MTHFD1L: variants seen among roughly 807,000 people sequenced by gnomAD.
The protein encoded by MTHFD1L is methylenetetrahydrofolate dehydrogenase (NADP+ dependent) 1 like.
In MTHFD1L, 81 loss-of-function variants were observed where a neutral mutation model predicts 119.5. The ratio of observed to expected loss-of-function variants is 0.68; its 90% CI spans 0.57 to 0.82. The LOEUF (loss-of-function observed/expected upper bound fraction) is 0.82, where lower values mean the gene tolerates loss of function less well. Among genes scored for constraint, MTHFD1L ranks in the 40% least tolerant of loss-of-function variants. The probability of loss-of-function intolerance (pLI) is 0.00; values close to 1 mark genes in which losing one functional copy is unlikely to be tolerated. For missense variants in MTHFD1L, 1,125 were observed against 1,253.4 expected, an observed-to-expected ratio of 0.90 and a Z score of 1.55; for synonymous variants, 430 against 475.2, an observed-to-expected ratio of 0.90 and a Z score of 1.24.
At position 150,995,818 on chromosome 6, in the gene MTHFD1L, C is replaced by T. The variant is rs114567631; in HGVS notation, c.2126-14001C>T. Among the ~76,000 whole-genome samples, 385 of 149,356 alleles carry T rather than the reference C, an allele frequency of 2.6e-3. 3 individuals are homozygous for T. Among genetic ancestry groups the T allele is most frequent in the African/African-American group, 8.6e-3 (356 of 41,160 alleles). On this transcript the variant is annotated intron_variant, in intron 20 of 27. Coordinates refer to ENST00000367321, the MANE Select transcript of MTHFD1L (RefSeq NM_015440.5). ...AAGTAGCTGGGATTACCTGCCACCA[C>T]ATCAGGCTAATTTTTTGTATTTTTA... is the stretch of plus-strand genomic sequence containing the variant.
intron 4 of MTHFD1L, 137 bp downstream of exon 4, chr6:150,877,963 C>A: frequency 1.0e-6 from 1 of 988,350 alleles, no homozygotes; most frequent in Non-Finnish European, 1.5e-6. Flanking sequence ...GACTTCACTT[C>A]TTTTCTCTAG....
At chr6:150,987,881 A>G (rs1259473152) in intron 20 of MTHFD1L, among the ~76,000 whole-genome samples, 5 of 152,242 alleles carry the variant, frequency 3.3e-5, no homozygotes, top group African/African-American at 4.8e-5. Context: ...TGAAGCAGCA[A>G]TTAAATAAAT....
At chr6:150,936,662 A>G (rs1275891042) in intron 11 of MTHFD1L, 142 bp from the exon 12 acceptor site, 6 of 990,888 alleles carry the variant, frequency 6.1e-6, no homozygotes, top group African/African-American at 1.6e-5. Flanking sequence ...TGATGTGAGT[A>G]GACCATAATA....
At chr6:150,992,278 A>G (rs372200571) in intron 20 of MTHFD1L, among the ~76,000 whole-genome samples, 61 of 152,344 alleles carry the variant, frequency 4.0e-4, no homozygotes, top group African/African-American at 1.4e-3. Flanking sequence ...GCACAATGAA[A>G]AAACAAAACG....
At chr6:151,034,253 A>G (rs1220372440) in intron 24 of MTHFD1L, among the ~76,000 whole-genome samples, 1 of 152,078 alleles carries the variant, frequency 6.6e-6, no homozygotes, top group East Asian at 1.9e-4. Context: ...AAGCCTCTAA[A>G]TTGCCTGAAC....
chr6:151,005,126 A>G (rs1006749825), intron 20 of MTHFD1L, among the ~76,000 whole-genome samples: 2 of 152,110 alleles, frequency 1.3e-5, no homozygotes, highest in Admixed American at 6.6e-5. Context: ...CCTATAGGTT[A>G]TATATGTTGG....
At chr6:151,094,685 A>G (rs1008693351) in intron 27 of MTHFD1L, among the ~76,000 whole-genome samples, 1 of 152,098 alleles carries the variant, frequency 6.6e-6, no homozygotes, top group Non-Finnish European at 1.5e-5. Flanking sequence ...TTGGGATTAC[A>G]GGCGTCCACC....
At chr6:150,889,252 A>T (rs1315841534) in intron 7 of MTHFD1L, among the ~76,000 whole-genome samples, 1 of 152,178 alleles carries the variant, frequency 6.6e-6, no homozygotes, top group Non-Finnish European at 1.5e-5. Flanking sequence ...CTAGCATAGG[A>T]TTACTAACCT....
rs201447757 is a variant in MTHFD1L at position 150,952,540 on chromosome 6, C to CT, written c.1726+3416dup. Among the ~76,000 whole-genome samples, 449 of 151,442 alleles carry CT rather than the reference C, an allele frequency of 3.0e-3. 1 individual carries two copies. The highest frequency in any genetic ancestry group is 6.5e-3 in the African/African-American group (267 of 41,332). On this transcript the variant is annotated intron_variant, in intron 16 of 27. Transcript: ENST00000367321. The stretch of plus-strand genomic sequence containing the variant: ...GTACAAAATCTGATGATTGTTTCAT[C>CT]TTTTTTTTTGAGACAGAGTCTCACT...
At chr6:151,047,386 A>G (rs1314218341) in intron 26 of MTHFD1L, among the ~76,000 whole-genome samples, 2 of 152,226 alleles carry the variant, frequency 1.3e-5, no homozygotes, top group African/African-American at 4.8e-5. Flanking sequence ...ACTCACTGGT[A>G]TAAAATCAGG....
At chr6:150,928,979 G>A (rs1440690385) in intron 11 of MTHFD1L, among the ~76,000 whole-genome samples, 1 of 152,114 alleles carries the variant, frequency 6.6e-6, no homozygotes, top group Non-Finnish European at 1.5e-5. Flanking sequence ...AGGCTTCCAG[G>A]CTCACTGCAG....
At chr6:151,012,000 T>TCAACAA (rs773521876) in intron 21 of MTHFD1L, among the ~76,000 whole-genome samples, 1,179 of 63,668 alleles carry the variant, frequency 0.019, 74 homozygotes, top group African/African-American at 0.038. Flanking sequence ...AAAGTCCATC[T>TCAACAA]CAACAACAAC....
chr6:151,083,517 T>A (rs1793431489), intron 26 of MTHFD1L, among the ~76,000 whole-genome samples: 1 of 152,176 alleles, frequency 6.6e-6, no homozygotes, highest in Admixed American at 6.5e-5. Context: ...TATACCCTTG[T>A]AGTCATGGCC....
At chr6:150,922,393 T>G (rs1013298604) in intron 10 of MTHFD1L, 91 bp downstream of exon 10, 10 of 956,312 alleles carry the variant, frequency 1.0e-5, no homozygotes, top group Non-Finnish European at 1.4e-5. Context: ...CTCATGGTAC[T>G]GTGGTTTTGA....
At chr6:150,900,888 G>A (rs1280137238) in intron 7 of MTHFD1L, among the ~76,000 whole-genome samples, 5 of 151,886 alleles carry the variant, frequency 3.3e-5, no homozygotes, top group African/African-American at 1.2e-4. Flanking sequence ...GGTGGCAGGT[G>A]CCTGTAGTCC....
chr6:151,066,248 A>AT (rs1320507286), intron 26 of MTHFD1L, among the ~76,000 whole-genome samples: 7 of 134,576 alleles, frequency 5.2e-5, no homozygotes, highest in Middle Eastern at 5.4e-3. Context: ...CATCCTAGCT[A>AT]ACATGGTGAA....
At chr6:151,081,395 G>T (rs1793146446) in intron 26 of MTHFD1L, among the ~76,000 whole-genome samples, 1 of 150,898 alleles carries the variant, frequency 6.6e-6, no homozygotes, top group African/African-American at 2.4e-5. Flanking sequence ...GCTCACACCT[G>T]TAATTCCAGC....
intron 20 of MTHFD1L, among the ~76,000 whole-genome samples, chr6:150,979,152 C>T (rs557305222): frequency 6.0e-4 from 92 of 152,176 alleles, no homozygotes; most frequent in East Asian, 1.6e-3. Context: ...GCAGGAGAAT[C>T]GCTTGAACCT....
chr6:150,962,442 A>C (rs1771805), intron 18 of MTHFD1L, among the ~76,000 whole-genome samples: 71,845 of 152,096 alleles, frequency 0.47, 17,912 homozygotes, highest in South Asian at 0.59. Flanking sequence ...GCAAAAAGTA[A>C]CTAATTTATT....
Sources: allele counts gnomAD v4.1 joint callset (sites outside exome capture counted in the v4.1 genomes callset), GRCh38; gene constraint gnomAD v4.1.1; transcripts MANE v1.5; gene names NCBI Gene and HGNC (gene_info 2026-07-23, HGNC 2026-07-21).